The following MAP3K4 variants were observed in gnomAD, a reference collection of about 807,000 sequenced individuals.
MAP3K4 encodes the protein mitogen-activated protein kinase kinase kinase 4.
MAP3K4 carries 67 observed loss-of-function variants against 185.6 expected under a neutral mutation model. That is an observed-to-expected ratio of 0.36 (90% CI 0.30 to 0.44). MAP3K4 has a LOEUF of 0.44. MAP3K4 is among the 20% of genes least tolerant of loss of function. The pLI is 1.00. For synonymous variants in MAP3K4, 702 were observed against 710.4 expected (o/e 0.99, Z 0.19); for missense variants, 1,551 against 1,995.1 (o/e 0.78, Z 4.24).
intron 2 of MAP3K4, among the ~76,000 whole-genome samples, chr6:161,040,646 C>T (rs548271651): frequency 6.6e-6 from 1 of 152,208 alleles, no homozygotes; most frequent in Non-Finnish European, 1.5e-5. Flanking sequence ...ATGAGTTGCA[C>T]TCAAAGGATA....
At position 161,093,196 on chromosome 6, in the gene MAP3K4, A is replaced by G; in HGVS notation, c.3348+140A>G. On this transcript the variant is annotated intron_variant, in intron 14 of 26. Coordinates refer to ENST00000392142, the MANE Select transcript of MAP3K4 (RefSeq NM_005922.4). This position sits in a 1 kb window ranked among gnomAD's most constrained non-coding sequence, Gnocchi z 5.2. ...CATATCATGTAATGATAATGCTGAG[A>G]AATTAAAGTACTCCTCATAGCAGAG... 1.7e-6 allele frequency: 1 copy of G among 599,650 alleles called. No homozygotes were observed. The highest frequency in any genetic ancestry group is 2.9e-6 in the Non-Finnish European group (1 of 347,514). 37.1% of individuals were successfully genotyped at this position (599,650 alleles called of 1,614,324 possible). A position where few individuals can be genotyped will look rare whatever the true frequency, so the allele number is the denominator to read the frequency against.
intron 11 of MAP3K4, among the ~76,000 whole-genome samples, chr6:161,090,701 C>T (rs539982628): frequency 1.8e-5 from 1 of 54,572 alleles, no homozygotes; most frequent in African/African-American, 4.3e-5. Flanking sequence ...AATTCTTGGT[C>T]GTGGAGGGCC....
At chr6:161,059,403 C>T (rs1784389305) in intron 3 of MAP3K4, among the ~76,000 whole-genome samples, 1 of 152,192 alleles carries the variant, frequency 6.6e-6, no homozygotes, top group African/African-American at 2.4e-5. Context: ...TCCCAAAGTA[C>T]TGGGATTACA....
chr6:161,102,135 G>C (rs1417416854), intron 18 of MAP3K4, 143 bp downstream of exon 18: 4 of 639,186 alleles, frequency 6.3e-6, no homozygotes, highest in South Asian at 4.4e-5. Flanking sequence ...AGAGTAAGAA[G>C]CACAGAGCTT....
chr6:161,047,640 C>G (rs114862402), intron 2 of MAP3K4, among the ~76,000 whole-genome samples: 2 of 152,038 alleles, frequency 1.3e-5, no homozygotes, highest in Non-Finnish European at 2.9e-5. Flanking sequence ...GAGAAGAGAT[C>G]TAAGATTAGC....
chr6:161,090,319 G>A (rs923558102), intron 11 of MAP3K4, among the ~76,000 whole-genome samples: 2 of 152,242 alleles, frequency 1.3e-5, no homozygotes, highest in African/African-American at 4.8e-5. Flanking sequence ...CCGATTTGGA[G>A]CTATTGTGAT....
At position 160,996,212 on chromosome 6, in the gene MAP3K4, G is replaced by GT. The variant is rs752751821; in HGVS notation, c.152+4130dup. ...GTGATGGTCATGCCTTTACACCACT[G>GT]TAACAGTAGATGCCATTGGCGGGGG... is the stretch of plus-strand genomic sequence containing the variant. On this transcript the variant is annotated intron_variant, in intron 1 of 26. Coordinates refer to ENST00000392142, the MANE Select transcript of MAP3K4 (RefSeq NM_005922.4). The surrounding 1 kb of genome is among the most constrained non-coding windows in gnomAD (Gnocchi z 4.5). Among the ~76,000 whole-genome samples, 27 of 152,316 alleles carry GT rather than the reference G, an allele frequency of 1.8e-4. 1 individual carries two copies. Among genetic ancestry groups the GT allele is most frequent in the Non-Finnish European group, 1.9e-4 (13 of 68,026 alleles).
In MAP3K4 at chr6:161,025,417, G is replaced by A. The variant is rs182010792; in HGVS notation, c.153-8842G>A. On this transcript the variant is annotated intron_variant, in intron 1 of 26. Coordinates refer to ENST00000392142, the MANE Select transcript of MAP3K4 (RefSeq NM_005922.4). ...ATTTGCCTTCCCTACTCTAGTGTCC[G>A]TTTTCCGTCACCAAATACTTTGGGA... 5.1e-3 allele frequency among the ~76,000 whole-genome samples: 782 copies of A among 152,226 alleles called. 10 individuals are homozygous for A. The highest frequency in any genetic ancestry group is 0.018 in the African/African-American group (742 of 41,536).
At chr6:161,065,672 C>T in intron 3 of MAP3K4, among the ~76,000 whole-genome samples, 1 of 152,202 alleles carries the variant, frequency 6.6e-6, no homozygotes, top group East Asian at 1.9e-4. Flanking sequence ...GGCACGGTGG[C>T]TTACGCCTGT....
intron 15 of MAP3K4, among the ~76,000 whole-genome samples, chr6:161,094,331 GT>G (rs1290604048): frequency 1.3e-5 from 2 of 152,050 alleles, no homozygotes; most frequent in Non-Finnish European, 2.9e-5. Context: ...TTCTGATTTG[GT>G]TTTACTGTTT....
At chr6:161,065,012 T>G (rs1398104777) in intron 3 of MAP3K4, among the ~76,000 whole-genome samples, 1 of 152,110 alleles carries the variant, frequency 6.6e-6, no homozygotes, top group Non-Finnish European at 1.5e-5. Context: ...GTTACAGAGG[T>G]AGTCACAGTG....
rs1215565617 is a variant in MAP3K4 at position 161,110,848 on chromosome 6, C to T, written c.4396+934C>T. Among the ~76,000 whole-genome samples the T allele has an allele frequency of 6.6e-6, 1 of 152,182 alleles. No individual in the cohort carries two copies. The highest frequency in any genetic ancestry group is 1.5e-5 in the Non-Finnish European group (1 of 68,040). The stretch of plus-strand genomic sequence containing the variant: ...CATCCTGATGTTGGCTTAACTGGCT[C>T]TGTACCAGGCCGTAGCACTGCCTAT... On this transcript the variant is annotated intron_variant, in intron 23 of 26. Coordinates refer to ENST00000392142, the MANE Select transcript of MAP3K4 (RefSeq NM_005922.4). The surrounding 1 kb of genome is among the most constrained non-coding windows in gnomAD (Gnocchi z 4.8).
At chr6:161,050,937 C>G (rs1255856464) in intron 3 of MAP3K4, among the ~76,000 whole-genome samples, 1 of 152,176 alleles carries the variant, frequency 6.6e-6, no homozygotes, top group Non-Finnish European at 1.5e-5. Flanking sequence ...CCACGGATCC[C>G]AAAATCCGAA....
rs1461524756 is a variant in MAP3K4 at position 161,054,001 on chromosome 6, A to G, written c.1707+4022A>G. Among the ~76,000 whole-genome samples the G allele has an allele frequency of 6.6e-6, 1 of 152,200 alleles. No individual in the cohort carries two copies. The highest frequency in any genetic ancestry group is 2.4e-5 in the African/African-American group (1 of 41,442). On this transcript the variant is annotated intron_variant, in intron 3 of 26. Transcript: ENST00000392142. The surrounding 1 kb of genome is among the most constrained non-coding windows in gnomAD (Gnocchi z 4.2). ...TGGTTTCGTGATAATAGGAATGAAT[A>G]TAGGTGAAGGATTTTGTAGAAAAGA...
Position 161,049,697 on chromosome 6 carries a change from A to G in MAP3K4, c.1425A>G (p.Arg475=), listed in dbSNP as rs1326678301. 1 of 1,614,088 alleles carries G rather than the reference A, an allele frequency of 6.2e-7. No individual in the cohort carries two copies. The highest frequency in any genetic ancestry group is 1.3e-5 in the African/African-American group (1 of 74,934). Residue 475 remains arginine, a synonymous_variant, in exon 3 of 27, where the codon AGA becomes AGG. Coordinates refer to ENST00000392142, the MANE Select transcript of MAP3K4 (RefSeq NM_005922.4). This position sits in a 1 kb window ranked among gnomAD's most constrained non-coding sequence, Gnocchi z 8.4. ...CTGATCCTAGGGTACCGGAAATCAG[A>G]CAGCCCATAGATAACAGCTTCGACA... ...QISDPRVPEI[R]QPIDNSFDIQ... is the part of the protein sequence containing the mutation.
Position 161,091,286 on chromosome 6 carries a change from T to C in MAP3K4, c.2974-93T>C. The C allele has an allele frequency of 9.8e-7, 1 of 1,017,850 alleles. No homozygotes were observed. Among genetic ancestry groups the C allele is most frequent in the Non-Finnish European group, 1.4e-6 (1 of 692,628 alleles). The allele number at this position is 1,017,850 out of a possible 1,614,324, so 63.1% of individuals were successfully genotyped here. On this transcript the variant is annotated intron_variant, in intron 11 of 26. Coordinates refer to ENST00000392142, the MANE Select transcript of MAP3K4 (RefSeq NM_005922.4). The surrounding 1 kb of genome is among the most constrained non-coding windows in gnomAD (Gnocchi z 5.5). ...GCTGAATTGTTTGTAGTGGTTAATGTCTGTGTGATGATGAACGAAATCTTC... is the reference window on the plus strand; with the variant it reads ...GCTGAATTGTTTGTAGTGGTTAATGCCTGTGTGATGATGAACGAAATCTTC...
Position 161,049,966 on chromosome 6 carries a change from A to G in MAP3K4, c.1694A>G (p.Asp565Gly). ...QRARIALVKN[D>G]RPVEFSEFPD... ...GCACGTATAGCATTGGTAAAGAACGATCGTCCAGTGGAGGTAGGTTTCCAG... is the reference window on the plus strand; with the variant it reads ...GCACGTATAGCATTGGTAAAGAACGGTCGTCCAGTGGAGGTAGGTTTCCAG... Residue 565 changes from aspartate to glycine, a missense_variant, in exon 3 of 27, where the codon GAT becomes GGT. Asp to Gly is a moderately conservative substitution (Grantham distance 94). This residue lies in a region of MAP3K4 where 86 missense variants were observed against 81.6 expected (regional missense o/e 1.05). Transcript: ENST00000392142. This position sits in a 1 kb window ranked among gnomAD's most constrained non-coding sequence, Gnocchi z 8.4. 1 of 1,608,408 alleles carries G rather than the reference A, an allele frequency of 6.2e-7. No homozygotes were observed. Among genetic ancestry groups the G allele is most frequent in the South Asian group, 1.1e-5 (1 of 89,920 alleles).
rs1454059542 is a variant in MAP3K4 at position 161,097,859 on chromosome 6, G to A, written c.3525-419G>A. On this transcript the variant is annotated intron_variant, in intron 16 of 26. Coordinates refer to ENST00000392142, the MANE Select transcript of MAP3K4 (RefSeq NM_005922.4). The surrounding 1 kb of genome is among the most constrained non-coding windows in gnomAD (Gnocchi z 4.9). ...TTCCAGCACTTTAGGAGGACGAGGC[G>A]GGAGGATCACTTGAGCCCAGGAGAA... Among the ~76,000 whole-genome samples, 3 of 152,064 alleles carry A rather than the reference G, an allele frequency of 2.0e-5. No homozygotes were observed. The highest frequency in any genetic ancestry group is 2.1e-4 in the South Asian group (1 of 4,818).
In MAP3K4 at chr6:161,084,171, A is replaced by G. The variant is rs9456622; in HGVS notation, c.2256-330A>G. On this transcript the variant is annotated intron_variant, in intron 6 of 26. Coordinates refer to ENST00000392142, the MANE Select transcript of MAP3K4 (RefSeq NM_005922.4). The surrounding 1 kb of genome is among the most constrained non-coding windows in gnomAD (Gnocchi z 4.6). ...AGGAATTCCCTTTCCCTCTTATCCT[A>G]TCATTTAGTTTGAGGCCATTTTATG... Among the ~76,000 whole-genome samples the G allele has an allele frequency of 0.05, 7,619 of 152,230 alleles. 520 individuals carry two copies. Among genetic ancestry groups the G allele is most frequent in the African/African-American group, 0.15 (6,396 of 41,500 alleles).
Sources: gnomAD v4.1 joint callset for allele counts (sites outside exome capture counted in the v4.1 genomes callset) on GRCh38, gnomAD v4.1.1 for gene constraint, gnomAD v4.1.1 regional missense constraint, Gnocchi (gnomAD v3.1) non-coding constraint, MANE v1.5 for transcripts, NCBI Gene and HGNC (gene_info 2026-07-23, HGNC 2026-07-21) for gene names.